Variants in RIIAD1 observed in about 807,000 individuals in gnomAD.
RIIAD1 encodes the protein regulatory subunit of type II PKA R-subunit domain containing 1, also known as RIIa domain-containing protein 1.
A neutral mutation model predicts 13.3 loss-of-function variants in RIIAD1; 15 were observed. The ratio of observed to expected loss-of-function variants is 1.13; its 90% CI spans 0.76 to 1.74. RIIAD1 has a LOEUF of 1.74. RIIAD1 is among the 40% of genes most tolerant of loss of function. RIIAD1 has a pLI of 0.00. For missense variants in RIIAD1, 121 were observed against 112.2 expected, an observed-to-expected ratio of 1.08 and a Z score of -0.35; for synonymous variants, 50 against 43.3, an observed-to-expected ratio of 1.16 and a Z score of -0.61.
At chr1:151,716,284 A>C (rs1571942365) in intron 4 of RIIAD1, 1 of 440,966 alleles carries the variant, frequency 2.3e-6, no homozygotes, top group East Asian at 3.6e-5. Flanking sequence ...TCCCTCCCAG[A>C]GATCTGGCAA....
chr1:151,715,268 C>T (rs1218084839), intron 4 of RIIAD1, among the ~76,000 whole-genome samples: 2 of 152,042 alleles, frequency 1.3e-5, no homozygotes, highest in Non-Finnish European at 2.9e-5. Context: ...CCCACTTAGC[C>T]GCACAGCCCT....
intron 4 of RIIAD1, among the ~76,000 whole-genome samples, chr1:151,714,951 G>T (rs772606172): frequency 6.6e-6 from 1 of 151,910 alleles, no homozygotes; most frequent in South Asian, 2.1e-4. Context: ...CCATGTGACC[G>T]CCAGACAAGT....
At chr1:151,719,304 C>T (rs537586110), upstream of RIIAD1, among the ~76,000 whole-genome samples, 4 of 152,080 alleles carry the variant, frequency 2.6e-5, no homozygotes, top group Non-Finnish European at 4.4e-5. Context: ...GACTCAGATG[C>T]CTATTCTGGA....
intron 4 of RIIAD1, chr1:151,715,976 C>G (rs149099749): frequency 6.2e-7 from 1 of 1,614,044 alleles, no homozygotes; most frequent in Non-Finnish European, 8.5e-7. Context: ...CCAGATGCCT[C>G]GGGATCTGCC....
chr1:151,729,022 T>C, intron 4 of RIIAD1, 129 bp downstream of exon 4: 1 of 595,260 alleles, frequency 1.7e-6, no homozygotes, highest in Non-Finnish European at 3.0e-6. Flanking sequence ...AAATGTTTAG[T>C]TTTTCCTCTA....
At chr1:151,714,135 C>T (rs895054971) in intron 3 of RIIAD1, among the ~76,000 whole-genome samples, 2 of 152,202 alleles carry the variant, frequency 1.3e-5, no homozygotes, top group Non-Finnish European at 2.9e-5. Flanking sequence ...AGAACCAGCA[C>T]CGAGATGCCA....
chr1:151,715,952 C>T (rs978438331), intron 4 of RIIAD1: 3 of 1,614,210 alleles, frequency 1.9e-6, no homozygotes, highest in Non-Finnish European at 2.5e-6. Flanking sequence ...AGATGGGCTT[C>T]AGGTCCTTCT....
At position 151,727,593 on chromosome 1, in the gene RIIAD1, AC is replaced by A. The variant is rs1439974546; in HGVS notation, c.182del (p.Pro61GlnfsTer5). 1 of 1,550,412 alleles carries A rather than the reference AC, an allele frequency of 6.4e-7. No homozygotes were observed. The highest frequency in any genetic ancestry group is 1.2e-5 in the South Asian group (1 of 84,032). On this transcript the variant is annotated frameshift_variant, in exon 3 of 5. Coordinates refer to ENST00000479191, the MANE Select transcript of RIIAD1 (RefSeq NM_001144956.3). LOFTEE classifies it high-confidence loss of function. Reference protein sequence around the residue: ...GFFREIFLKRPDNILEFAADY... With the variant: ...GFFREIFLKRXDNILEFAADY... ...TTTCCAGAGAAATATTTTTGAAAAG[AC>A]CAGACAACATCCTAGAATTTGCTGC...
chr1:151,727,771 T>C (rs1673859831), intron 3 of RIIAD1, 150 bp downstream of exon 3: 2 of 611,202 alleles, frequency 3.3e-6, no homozygotes, highest in African/African-American at 3.8e-5. Context: ...TTCAGCTTTT[T>C]CTTTCCTCCA....
At chr1:151,728,472 C>T (rs1378260795) in intron 3 of RIIAD1, 24 of 384,530 alleles carry the variant, frequency 6.2e-5, no homozygotes, top group African/African-American at 4.5e-4. Flanking sequence ...CGGTGCGACT[C>T]GGGGTAGGTG....
exon 2 of RIIAD1, chr1:151,711,985 G>GA: frequency 6.6e-6 from 1 of 152,250 alleles, no homozygotes; most frequent in South Asian, 2.1e-4. Context: ...CCACAGCAAG[G>GA]ACCGTGCTGA....
At chr1:151,719,493 G>A (rs1051367603), upstream of RIIAD1, 3 of 609,508 alleles carry the variant, frequency 4.9e-6, no homozygotes, top group African/African-American at 5.6e-5. Context: ...AATGAGAAAT[G>A]CTGGATAATT....
chr1:151,725,756 T>C (rs149368256), intron 2 of RIIAD1, among the ~76,000 whole-genome samples: 57 of 152,358 alleles, frequency 3.7e-4, no homozygotes, highest in Middle Eastern at 6.8e-3. Flanking sequence ...AGATCCTCCA[T>C]TCTCACTGCT....
upstream of RIIAD1, among the ~76,000 whole-genome samples, chr1:151,717,450 C>T (rs1374103651): frequency 1.3e-5 from 2 of 152,250 alleles, no homozygotes; most frequent in African/African-American, 4.8e-5. Flanking sequence ...TTCTCTCCCT[C>T]TGGGGGGTTT....
chr1:151,725,606 A>T (rs1490963041), intron 2 of RIIAD1, among the ~76,000 whole-genome samples: 1 of 152,164 alleles, frequency 6.6e-6, no homozygotes, highest in African/African-American at 2.4e-5. Context: ...TGCCCCTCCC[A>T]GTCACTCCCC....
upstream of RIIAD1, among the ~76,000 whole-genome samples, chr1:151,717,001 C>T (rs1052910476): frequency 2.6e-5 from 4 of 152,096 alleles, no homozygotes; most frequent in East Asian, 5.8e-4. Context: ...TTGATAATAA[C>T]CCTTCCCCCA....
At chr1:151,713,265 G>A (rs1300574542) in intron 2 of RIIAD1, among the ~76,000 whole-genome samples, 1 of 152,198 alleles carries the variant, frequency 6.6e-6, no homozygotes, top group African/African-American at 2.4e-5. Flanking sequence ...TCCTCAAGAA[G>A]GGCAGGTGGT....
intron 4 of RIIAD1, chr1:151,715,752 T>C: frequency 6.3e-7 from 1 of 1,596,844 alleles, no homozygotes; most frequent in Non-Finnish European, 8.5e-7. Flanking sequence ...TCCACTTTCC[T>C]CAGGCCTGAA....
chr1:151,714,672 A>T (rs1488209148), intron 4 of RIIAD1: 1 of 1,557,288 alleles, frequency 6.4e-7, no homozygotes, highest in Non-Finnish European at 8.7e-7. Flanking sequence ...TCAGGAAGGC[A>T]CATCCTGAGG....
Sources: gnomAD v4.1 joint callset for allele counts (sites outside exome capture counted in the v4.1 genomes callset) on GRCh38, gnomAD v4.1.1 for gene constraint, MANE v1.5 for transcripts, NCBI Gene and HGNC (gene_info 2026-07-23, HGNC 2026-07-21) for gene names.